LRRC75B: variants seen among roughly 807,000 people sequenced by gnomAD.
The protein encoded by LRRC75B is leucine-rich repeat-containing protein 75B.
A neutral mutation model predicts 16.5 loss-of-function variants in LRRC75B; 20 were observed. The observed-to-expected ratio is 1.21, with a 90% CI of 0.85 to 1.76. LRRC75B has a LOEUF of 1.76. Among genes scored for constraint, LRRC75B ranks in the 40% most tolerant of loss-of-function variants. LRRC75B has a pLI of 0.00. For synonymous variants in LRRC75B, 199 were observed against 198.1 expected (o/e 1.00, Z -0.04); for missense variants, 406 against 417.0 (o/e 0.97, Z 0.23).
At chr22:24,591,364 C>G (rs1364322781) in intron 1 of LRRC75B, among the ~76,000 whole-genome samples, 1 of 152,238 alleles carries the variant, frequency 6.6e-6, no homozygotes, top group African/African-American at 2.4e-5. Context: ...TAGGCGTGAG[C>G]CACTGCATCT....
rs114173860 is a variant in LRRC75B, at chr22:24,591,434, G to C, written c.177+1429C>G. On this transcript the variant is annotated intron_variant, in intron 1 of 3. Transcript: ENST00000318753. ...GCTGATGGGGCAGCCACAGCCAGGA[G>C]GGGCCTCTAGACCCCATGTGGGCCT... 5.1e-3 allele frequency among the ~76,000 whole-genome samples: 770 copies of C among 152,348 alleles called. 7 individuals are homozygous for C. The highest frequency in any genetic ancestry group is 0.017 in the African/African-American group (717 of 41,578).
Position 24,592,879 on chromosome 22 carries a change from A to G in LRRC75B, c.161T>C (p.Leu54Pro). The change falls in exon 1 of 4, where the codon CTG becomes CCG. Residue 54 changes from leucine (L) to proline (P), a missense_variant. Coordinates refer to ENST00000318753, the MANE Select transcript of LRRC75B (RefSeq NM_207644.3). ...ERRPERARQL[L>P]RLLRQDLGLE... ...TTCTCTCGCCTGGCGCAGGAGGCGC[A>G]GCAGCTGCCGGGCGCGCTCCGGCCG... is the stretch of plus-strand genomic sequence containing the variant. The G allele has an allele frequency of 7.8e-7, 1 of 1,282,984 alleles. No individual in the cohort carries two copies. The highest frequency in any genetic ancestry group is 1.6e-5 in the African/African-American group (1 of 64,344). 79.5% of individuals were successfully genotyped at this position (1,282,984 alleles called of 1,614,324 possible). A position where few individuals can be genotyped will look rare whatever the true frequency, so the allele number is the denominator to read the frequency against.
intron 2 of LRRC75B, chr22:24,588,560 G>A (rs1231821156): frequency 4.9e-6 from 4 of 808,252 alleles, no homozygotes; most frequent in East Asian, 6.4e-5. Context: ...CAGTCCCGCA[G>A]TGCCCGGCGG....
rs1172933355 is a variant in LRRC75B, at chr22:24,586,375, C to T, written c.459G>A (p.Gly153=). Reference sequence around the variant, plus strand: ...GGATGCCTGAGAGGTCCACAGTCTCCCCTGCCAGCAGAGTCTTCTGGAGGC... The same window carrying T: ...GGATGCCTGAGAGGTCCACAGTCTCTCCTGCCAGCAGAGTCTTCTGGAGGC... ...KSSLQKTLLA[G]ETVDLSGIPL... The change falls in exon 4 of 4, where the codon GGG becomes GGA. Residue 153 remains glycine, a synonymous_variant. Coordinates refer to ENST00000318753, the MANE Select transcript of LRRC75B (RefSeq NM_207644.3). 6.2e-7 allele frequency: 1 copy of T among 1,613,660 alleles called. No individual in the cohort carries two copies. Among genetic ancestry groups the T allele is most frequent in the East Asian group, 2.2e-5 (1 of 44,886 alleles).
chr22:24,591,953 G>C (rs571737430), intron 1 of LRRC75B, among the ~76,000 whole-genome samples: 1 of 152,336 alleles, frequency 6.6e-6, no homozygotes, highest in South Asian at 2.1e-4. Flanking sequence ...AGGAAGAAGG[G>C]CTCTGGCCCT....
At chr22:24,592,815 A>AGACCCTCC in intron 1 of LRRC75B, 48 bp downstream of exon 1, 3 of 1,261,818 alleles carry the variant, frequency 2.4e-6, no homozygotes, top group Non-Finnish European at 3.0e-6. Context: ...CCAGACCCCC[A>AGACCCTCC]GACCCTCCCT....
At chr22:24,587,531 C>A (rs1271454528) in intron 3 of LRRC75B, among the ~76,000 whole-genome samples, 1 of 151,988 alleles carries the variant, frequency 6.6e-6, no homozygotes, top group Non-Finnish European at 1.5e-5. Flanking sequence ...GGGTGGAGGG[C>A]AGACAGGGGA....
intron 2 of LRRC75B, chr22:24,588,766 C>T (rs979712021): frequency 1.8e-5 from 19 of 1,027,832 alleles, no homozygotes; most frequent in Admixed American, 5.1e-5. Context: ...GCCAGGTCAG[C>T]GTGTTCTTCT....
At chr22:24,588,741 A>G in intron 2 of LRRC75B, 2 of 1,051,122 alleles carry the variant, frequency 1.9e-6, no homozygotes, top group South Asian at 3.4e-5. Flanking sequence ...CGCCAATCCC[A>G]GGGAGTAGGA....
At chr22:24,591,280 T>G (rs2045559317) in intron 1 of LRRC75B, among the ~76,000 whole-genome samples, 1 of 152,220 alleles carries the variant, frequency 6.6e-6, no homozygotes, top group South Asian at 2.1e-4. Context: ...GGTTTCTCCA[T>G]GTTGGTCAGG....
At chr22:24,591,489 C>T (rs549965179) in intron 1 of LRRC75B, among the ~76,000 whole-genome samples, 9 of 152,274 alleles carry the variant, frequency 5.9e-5, no homozygotes, top group Admixed American at 3.9e-4. Context: ...ATGCTCTGTG[C>T]GTGGGTCCCA....
rs1265119280 is a variant in LRRC75B at position 24,589,979 on chromosome 22, G to C, written c.178-30C>G. 1.9e-6 allele frequency: 3 copies of C among 1,541,864 alleles called. No individual in the cohort carries two copies. In the African/African-American group the frequency reaches 4.1e-5, roughly 21 times the overall value. On this transcript the variant is annotated intron_variant, in intron 1 of 3. Transcript: ENST00000318753. ...GAGTGGTGAAGAGAGAGTTGAGTGAGCCCGTTGGGTCTCCCATCTCGAGGC... is the reference window on the plus strand; with the variant it reads ...GAGTGGTGAAGAGAGAGTTGAGTGACCCCGTTGGGTCTCCCATCTCGAGGC...
At position 24,586,008 on chromosome 22, in the gene LRRC75B, T is replaced by C. The variant is rs1369823755; in HGVS notation, c.826A>G (p.Ile276Val). Residue 276 changes from isoleucine (I) to valine (V), a missense_variant, in exon 4 of 4, where the codon ATC (isoleucine) becomes GTC (valine). Ile to Val is a conservative substitution (Grantham distance 29, BLOSUM62 3). Coordinates refer to ENST00000318753, the MANE Select transcript of LRRC75B (RefSeq NM_207644.3). ...GGCTCAAGGTCCAGGCCCTCGTAGA[T>C]GGTGGGGAGTGAGGTGCGCTGGCTC... ...RLSQRTSLPT[I>V]YEGLDLEPEG... 1 of 1,610,844 alleles carries C rather than the reference T, an allele frequency of 6.2e-7. No homozygotes were observed. The highest frequency in any genetic ancestry group is 8.5e-7 in the Non-Finnish European group (1 of 1,179,848).
chr22:24,592,884 C>A lies in LRRC75B; in HGVS notation c.156G>T (p.Gln52His). Residue 52 changes from glutamine (Q) to histidine (H), a missense_variant, in exon 1 of 4, where the codon CAG (glutamine) becomes CAT (histidine). Physicochemically the swap from Gln to His is conservative, Grantham distance 24. Transcript: ENST00000318753. ...LRERRPERAR[Q>H]LLRLLRQDLG... ...TCGCCTGGCGCAGGAGGCGCAGCAG[C>A]TGCCGGGCGCGCTCCGGCCGCCGCT... is the stretch of plus-strand genomic sequence containing the variant. 7.8e-7 allele frequency: 1 copy of A among 1,282,310 alleles called. No individual in the cohort carries two copies. Among genetic ancestry groups the A allele is most frequent in the Non-Finnish European group, 9.9e-7 (1 of 1,014,530 alleles). 79.4% of individuals were successfully genotyped at this position (1,282,310 alleles called of 1,614,324 possible).
At chr22:24,592,362 G>A in intron 1 of LRRC75B, 1 of 470,854 alleles carries the variant, frequency 2.1e-6, no homozygotes, top group East Asian at 7.0e-5. Context: ...GTGTCTTGGG[G>A]TGAGGCTGCA....
intron 1 of LRRC75B, among the ~76,000 whole-genome samples, chr22:24,590,919 C>G (rs1385614457): frequency 6.6e-6 from 1 of 152,182 alleles, no homozygotes; most frequent in Non-Finnish European, 1.5e-5. Flanking sequence ...TCCCTTCTCT[C>G]TCCCCACCAC....
At chr22:24,589,501 C>A in intron 2 of LRRC75B, 4 of 530,088 alleles carry the variant, frequency 7.5e-6, no homozygotes, top group Non-Finnish European at 1.1e-5. Flanking sequence ...GTCTGTGACC[C>A]GCAGGGTCCC....
chr22:24,588,767 G>A (rs977347981), intron 2 of LRRC75B: 7 of 1,028,604 alleles, frequency 6.8e-6, no homozygotes, highest in South Asian at 3.9e-5. Context: ...CCAGGTCAGC[G>A]TGTTCTTCTT....
At chr22:24,588,395 G>T in intron 2 of LRRC75B, 66 bp from the exon 3 acceptor site, 1 of 1,268,646 alleles carries the variant, frequency 7.9e-7, no homozygotes. Context: ...GCCTTGGGGA[G>T]AGGGACCCAG....
Sources: gnomAD v4.1 joint callset for allele counts (sites outside exome capture counted in the v4.1 genomes callset) on GRCh38, gnomAD v4.1.1 for gene constraint, MANE v1.5 for transcripts, NCBI Gene and HGNC (gene_info 2026-07-23, HGNC 2026-07-21) for gene names.